TAFA4: variants seen among roughly 807,000 people sequenced by gnomAD.
TAFA4 encodes the protein chemokine-like protein TAFA-4.
TAFA4 carries 20 observed loss-of-function variants against 21.1 expected under a neutral mutation model. The ratio of observed to expected loss-of-function variants is 0.95; its 90% CI spans 0.67 to 1.38. The LOEUF (loss-of-function observed/expected upper bound fraction) is 1.38, where lower values mean the gene tolerates loss of function less well. TAFA4 is among the 40% of genes most tolerant of loss of function. The pLI is 0.00. For missense variants in TAFA4, 211 were observed against 180.9 expected (o/e 1.17, Z -0.95); for synonymous variants, 71 against 67.4 (o/e 1.05, Z -0.26).
At chr3:68,896,400 G>A (rs917785491) in intron 1 of TAFA4, among the ~76,000 whole-genome samples, 2 of 152,136 alleles carry the variant, frequency 1.3e-5, no homozygotes, top group Admixed American at 6.5e-5. Context: ...GCAGGATGGT[G>A]ACAACACAGC....
chr3:68,851,013 A>C (rs1281788743), intron 3 of TAFA4, among the ~76,000 whole-genome samples: 2 of 152,176 alleles, frequency 1.3e-5, no homozygotes, highest in African/African-American at 2.4e-5. Context: ...AGGGAATATA[A>C]ATTATTCTAT....
intron 3 of TAFA4, among the ~76,000 whole-genome samples, chr3:68,789,262 G>A (rs577300884): frequency 6.6e-6 from 1 of 151,846 alleles, no homozygotes; most frequent in Non-Finnish European, 1.5e-5. Flanking sequence ...TAATCCATTT[G>A]GAGTTGAGTT....
intron 3 of TAFA4, among the ~76,000 whole-genome samples, chr3:68,823,004 C>T (rs1210755953): frequency 1.3e-5 from 2 of 152,148 alleles, no homozygotes; most frequent in African/African-American, 2.4e-5. Context: ...GTCATTTCCT[C>T]TTCCTAACAG....
At chr3:68,790,158 T>A (rs1703335303) in intron 3 of TAFA4, among the ~76,000 whole-genome samples, 1 of 150,752 alleles carries the variant, frequency 6.6e-6, no homozygotes, top group South Asian at 2.2e-4. Flanking sequence ...GGGAGGAGGA[T>A]AAAGAGATGT....
At chr3:68,739,409 C>T (rs546848921) in intron 4 of TAFA4, among the ~76,000 whole-genome samples, 12 of 152,134 alleles carry the variant, frequency 7.9e-5, no homozygotes, top group East Asian at 1.9e-4. Flanking sequence ...TTGGTGAGAA[C>T]GCAGAGAAAA....
chr3:68,777,975 C>T (rs1220588382), intron 3 of TAFA4, among the ~76,000 whole-genome samples: 2 of 152,076 alleles, frequency 1.3e-5, no homozygotes, highest in African/African-American at 2.4e-5. Flanking sequence ...ACAACATTAC[C>T]TAACAATATC....
chr3:68,850,686 T>A (rs942705912), intron 3 of TAFA4, among the ~76,000 whole-genome samples: 1 of 152,284 alleles, frequency 6.6e-6, no homozygotes, highest in Admixed American at 6.5e-5. Context: ...GCAAGAATGC[T>A]TTCTTTTGAG....
At chr3:68,781,645 CAT>C (rs1457098684) in intron 3 of TAFA4, among the ~76,000 whole-genome samples, 1 of 152,124 alleles carries the variant, frequency 6.6e-6, no homozygotes, top group East Asian at 1.9e-4. Context: ...ATGAAAACCA[CAT>C]GTCTAAAGAC....
intron 3 of TAFA4, among the ~76,000 whole-genome samples, chr3:68,812,834 G>A (rs1289016749): frequency 3.3e-5 from 5 of 152,026 alleles, no homozygotes; most frequent in African/African-American, 7.3e-5. Context: ...CCTAATAGAC[G>A]TCTACAGAAC....
intron 1 of TAFA4, among the ~76,000 whole-genome samples, chr3:68,920,639 ATTTT>A (rs367598663): frequency 9.2e-5 from 12 of 130,204 alleles, no homozygotes; most frequent in East Asian, 8.9e-4. Context: ...TTTTTCTCTA[ATTTT>A]TTTTTTTTTT....
At chr3:68,882,044 G>T (rs2089624707) in intron 2 of TAFA4, among the ~76,000 whole-genome samples, 2 of 152,198 alleles carry the variant, frequency 1.3e-5, no homozygotes, top group Admixed American at 6.5e-5. Context: ...ATTGCTCATT[G>T]ATTTGAGATT....
chr3:68,830,601 C>T (rs2106877650), intron 3 of TAFA4, among the ~76,000 whole-genome samples: 1 of 152,254 alleles, frequency 6.6e-6, no homozygotes, highest in Middle Eastern at 3.4e-3. Flanking sequence ...GAGTGTTTTG[C>T]TTCCAATTAT....
intron 3 of TAFA4, among the ~76,000 whole-genome samples, chr3:68,832,928 C>A (rs895271908): frequency 6.6e-6 from 1 of 152,236 alleles, no homozygotes; most frequent in African/African-American, 2.4e-5. Flanking sequence ...GCCCCTTCCC[C>A]CGCCCATCTC....
At chr3:68,765,001 G>C (rs781373534) in intron 3 of TAFA4, among the ~76,000 whole-genome samples, 8 of 152,064 alleles carry the variant, frequency 5.3e-5, no homozygotes, top group Non-Finnish European at 1.2e-4. Flanking sequence ...TTAACCAAAA[G>C]ACAAAGAAGC....
intron 4 of TAFA4, among the ~76,000 whole-genome samples, chr3:68,742,245 A>G (rs1332771527): frequency 9.7e-6 from 1 of 103,412 alleles, no homozygotes; most frequent in Non-Finnish European, 2.0e-5. Flanking sequence ...ACGACAAGAC[A>G]TGGATATCTA....
Position 68,837,345 on chromosome 3 carries a change from C to T in TAFA4, c.130+43385G>A, listed in dbSNP as rs563188461. Among the ~76,000 whole-genome samples, 5 of 152,312 alleles carry T rather than the reference C, an allele frequency of 3.3e-5. No individual in the cohort carries two copies. The South Asian group carries it at 1.0e-3, about 32-fold the overall frequency. ...TTTAACAAGATACCCAGGTGTGACA[C>T]ATATGATCTCTGGAAGCCCAAGAAA... On this transcript the variant is annotated intron_variant, in intron 3 of 5. Transcript: ENST00000295569.
intron 1 of TAFA4, among the ~76,000 whole-genome samples, chr3:68,890,291 T>A (rs1246318840): frequency 1.3e-5 from 2 of 152,148 alleles, no homozygotes; most frequent in East Asian, 3.9e-4. Context: ...ATATGGGAAT[T>A]CTTTGTACTC....
At chr3:68,930,973 C>T (rs987273348) in intron 1 of TAFA4, among the ~76,000 whole-genome samples, 3 of 152,212 alleles carry the variant, frequency 2.0e-5, no homozygotes, top group African/African-American at 7.2e-5. Flanking sequence ...CTGCCCCCAC[C>T]TCTTCCCTCC....
intron 1 of TAFA4, among the ~76,000 whole-genome samples, chr3:68,907,079 G>T (rs1448883977): frequency 1.6e-5 from 2 of 127,894 alleles, no homozygotes; most frequent in Admixed American, 7.9e-5. Flanking sequence ...AGGGGAGAAA[G>T]AACTCATTGC....
Sources: gnomAD v4.1 joint callset for allele counts (sites outside exome capture counted in the v4.1 genomes callset) on GRCh38, gnomAD v4.1.1 for gene constraint, MANE v1.5 for transcripts, NCBI Gene and HGNC (gene_info 2026-07-23, HGNC 2026-07-21) for gene names.